CAMK4: variants seen among roughly 807,000 people sequenced by gnomAD.
The protein encoded by CAMK4 is calcium/calmodulin dependent protein kinase IV.
CAMK4 carries 22 observed loss-of-function variants against 44.9 expected under a neutral mutation model. The ratio of observed to expected loss-of-function variants is 0.49; its 90% confidence interval spans 0.35 to 0.70. The LOEUF is 0.70. Ranked by LOEUF, CAMK4 falls within the 30% of genes least tolerant of loss-of-function variation. The pLI, the probability that CAMK4 is intolerant of heterozygous loss-of-function variation, is 0.01. For synonymous variants in CAMK4, 218 were observed against 215.4 expected (o/e 1.01, Z -0.11); for missense variants, 498 against 586.8 (o/e 0.85, Z 1.56).
At chr5:111,340,980 G>T (rs913835105) in intron 1 of CAMK4, among the ~76,000 whole-genome samples, 20 of 150,490 alleles carry the variant, frequency 1.3e-4, no homozygotes, top group Admixed American at 4.0e-4. Context: ...TTTCTTCTAG[G>T]TCATCCAATC....
At chr5:111,363,357 C>A (rs1232522293) in intron 2 of CAMK4, among the ~76,000 whole-genome samples, 1 of 151,954 alleles carries the variant, frequency 6.6e-6, no homozygotes, top group Non-Finnish European at 1.5e-5. Flanking sequence ...TTTGAGCTGC[C>A]AGCATTTTGT....
At chr5:111,410,794 G>C (rs1479457828) in intron 5 of CAMK4, among the ~76,000 whole-genome samples, 2 of 152,046 alleles carry the variant, frequency 1.3e-5, no homozygotes, top group East Asian at 1.9e-4. Context: ...TTTATTTCTG[G>C]GTCAGAAGGA....
rs369909674 is a variant in CAMK4, at chr5:111,239,598, C to T, written c.161+14954C>T. Among the ~76,000 whole-genome samples, 57 of 152,160 alleles carry T rather than the reference C, an allele frequency of 3.7e-4. 1 individual carries two copies. Among genetic ancestry groups the T allele is most frequent in the Admixed American group, 8.5e-4 (13 of 15,278 alleles). ...AAAGACCTGCAATAGAGTCCCAGTTCGGCCACTCATGAAGTGTGTCATTTT... is the reference window on the plus strand; with the variant it reads ...AAAGACCTGCAATAGAGTCCCAGTTTGGCCACTCATGAAGTGTGTCATTTT... On this transcript the variant is annotated intron_variant, in intron 1 of 10. Transcript: ENST00000282356.
chr5:111,458,722 A>T (rs1055617164), intron 7 of CAMK4, among the ~76,000 whole-genome samples: 1 of 152,192 alleles, frequency 6.6e-6, no homozygotes. Flanking sequence ...TGGAATATAT[A>T]AGCAAAAATT....
rs1013113517 is a variant in CAMK4, at chr5:111,421,823, T to G, written c.460-24863T>G. Among the ~76,000 whole-genome samples the G allele has an allele frequency of 2.0e-5, 3 of 152,182 alleles. No homozygotes were observed. In the East Asian group the frequency reaches 5.8e-4, roughly 29 times the overall value. ...TCCTCACGTGTCATGGGAGGGACCCTGTTGGAGGTAACTGAATCATGGGGT... is the reference window on the plus strand; with the variant it reads ...TCCTCACGTGTCATGGGAGGGACCCGGTTGGAGGTAACTGAATCATGGGGT... On this transcript the variant is annotated intron_variant, in intron 5 of 10. Coordinates refer to ENST00000282356, the MANE Select transcript of CAMK4 (RefSeq NM_001744.6).
chr5:111,232,635 C>T (rs180929265), intron 1 of CAMK4, among the ~76,000 whole-genome samples: 1 of 152,048 alleles, frequency 6.6e-6, no homozygotes, highest in African/African-American at 2.4e-5. Flanking sequence ...GATAAAGTAA[C>T]CATTGTGAGA....
chr5:111,434,039 G>A (rs1050804998), intron 5 of CAMK4, among the ~76,000 whole-genome samples: 1 of 152,174 alleles, frequency 6.6e-6, no homozygotes. Flanking sequence ...GCTCATGCCT[G>A]TAATTCCAGC....
At position 111,344,117 on chromosome 5, in the gene CAMK4, T is replaced by C; in HGVS notation, c.240+15T>C. 3 of 1,487,930 alleles carry C rather than the reference T, an allele frequency of 2.0e-6. No individual in the cohort carries two copies. Among genetic ancestry groups the C allele is most frequent in the Non-Finnish European group, 9.4e-7 (1 of 1,067,356 alleles). 92.2% of individuals were successfully genotyped at this position (1,487,930 alleles called of 1,614,324 possible). A position where few individuals can be genotyped will look rare whatever the true frequency, so the allele number is the denominator to read the frequency against. On this transcript the variant is annotated intron_variant, in intron 2 of 10. Coordinates refer to ENST00000282356, the MANE Select transcript of CAMK4 (RefSeq NM_001744.6). Reference sequence around the variant, plus strand: ...TAAAGAAAACAGTAAGTTTATTTCTTATATAATGGCATCTCTAAGGGGCCT... The same window carrying C: ...TAAAGAAAACAGTAAGTTTATTTCTCATATAATGGCATCTCTAAGGGGCCT...
chr5:111,406,711 GAC>G, intron 5 of CAMK4, among the ~76,000 whole-genome samples: 1 of 152,210 alleles, frequency 6.6e-6, no homozygotes, highest in Non-Finnish European at 1.5e-5. Context: ...GTAAACGCAA[GAC>G]ACAGTCTCTT....
At chr5:111,236,979 T>C (rs963657877) in intron 1 of CAMK4, among the ~76,000 whole-genome samples, 1 of 152,234 alleles carries the variant, frequency 6.6e-6, no homozygotes, top group African/African-American at 2.4e-5. Context: ...TTCTTCAGGA[T>C]GTTTTTTTCT....
intron 1 of CAMK4, among the ~76,000 whole-genome samples, chr5:111,291,371 G>C (rs1328034333): frequency 6.6e-6 from 1 of 151,980 alleles, no homozygotes; most frequent in African/African-American, 2.4e-5. Context: ...TCTAATCATG[G>C]TTTCTCTCTT....
At chr5:111,397,185 C>CA (rs1320174575) in intron 5 of CAMK4, among the ~76,000 whole-genome samples, 1 of 152,202 alleles carries the variant, frequency 6.6e-6, no homozygotes, top group African/African-American at 2.4e-5. Context: ...GGCAGTGAGA[C>CA]AGAGCTAGGT....
In CAMK4 at chr5:111,491,764, GTTAC is replaced by G. The variant is rs1426373061; in HGVS notation, c.*7304_*7307del. 1 of 152,080 alleles carries G rather than the reference GTTAC, an allele frequency of 6.6e-6. No homozygotes were observed. Among genetic ancestry groups the G allele is most frequent in the Non-Finnish European group, 1.5e-5 (1 of 68,006 alleles). The allele number at this position is 152,080 out of a possible 1,614,324, so 9.4% of individuals were successfully genotyped here. ...CTCACATTTAAGTCAATCTACAGCT[GTTAC>G]TTACTAAGCTAAGAAATAAGAAGAT... On this transcript the variant is annotated 3_prime_UTR_variant, in exon 11 of 11. Transcript: ENST00000282356.
At chr5:111,276,599 A>C (rs778414325) in intron 1 of CAMK4, among the ~76,000 whole-genome samples, 1 of 152,120 alleles carries the variant, frequency 6.6e-6, no homozygotes, top group African/African-American at 2.4e-5. Context: ...AAAATCTAAA[A>C]AAGTTTTTTT....
intron 1 of CAMK4, among the ~76,000 whole-genome samples, chr5:111,265,608 A>C (rs1750205936): frequency 6.6e-6 from 1 of 152,192 alleles, no homozygotes; most frequent in Admixed American, 6.5e-5. Flanking sequence ...TTTATAGCTC[A>C]TTATAAGGTA....
At chr5:111,421,001 C>T (rs1442605434) in intron 5 of CAMK4, among the ~76,000 whole-genome samples, 1 of 152,192 alleles carries the variant, frequency 6.6e-6, no homozygotes, top group Non-Finnish European at 1.5e-5. Flanking sequence ...CATAGGAAAT[C>T]ACAAGGGTAT....
chr5:111,386,397 A>G (rs1751603786), intron 4 of CAMK4, among the ~76,000 whole-genome samples: 1 of 152,184 alleles, frequency 6.6e-6, no homozygotes, highest in East Asian at 1.9e-4. Context: ...AAACCTAGTC[A>G]TCTACAGTTA....
rs1196117925 is a variant in CAMK4, at chr5:111,273,706, TATATATATATATAC to T, written c.161+49064_161+49077del. The stretch of plus-strand genomic sequence containing the variant: ...ATATATATATATATATATATATATA[TATATATATATATAC>T]ACACACATACATACACACACACACG... On this transcript the variant is annotated intron_variant, in intron 1 of 10. Transcript: ENST00000282356. Among the ~76,000 whole-genome samples, 354 of 54,158 alleles carry T rather than the reference TATATATATATATAC, an allele frequency of 6.5e-3. 15 individuals are homozygous for T. The highest frequency in any genetic ancestry group is 0.057 in the East Asian group (64 of 1,128). The allele number at this position is 54,158 out of a possible 152,430, so 35.5% of individuals were successfully genotyped here. A position where few individuals can be genotyped will look rare whatever the true frequency, so the allele number is the denominator to read the frequency against.
At chr5:111,464,128 G>A (rs1370034722) in intron 7 of CAMK4, among the ~76,000 whole-genome samples, 1 of 151,740 alleles carries the variant, frequency 6.6e-6, no homozygotes, top group East Asian at 1.9e-4. Flanking sequence ...CAGGGAAATA[G>A]CATAAATAAA....
Sources: allele counts gnomAD v4.1 joint callset (sites outside exome capture counted in the v4.1 genomes callset), GRCh38; gene constraint gnomAD v4.1.1; transcripts MANE v1.5; gene names NCBI Gene and HGNC (gene_info 2026-07-23, HGNC 2026-07-21).